Variants in SH3GL2 observed in about 807,000 individuals in gnomAD.
SH3GL2 encodes endophilin-A1.
In SH3GL2, 24 loss-of-function variants were observed where a neutral mutation model predicts 46.0. That is an observed-to-expected ratio of 0.52 (90% CI 0.38 to 0.73). The LOEUF (loss-of-function observed/expected upper bound fraction) is 0.73, where lower values mean the gene tolerates loss of function less well. Among genes scored for constraint, SH3GL2 ranks in the 30% least tolerant of loss-of-function variants. SH3GL2 has a pLI of 0.00. For missense variants in SH3GL2, 413 were observed against 424.2 expected, an observed-to-expected ratio of 0.97 and a Z score of 0.23; for synonymous variants, 196 against 147.1, an observed-to-expected ratio of 1.33 and a Z score of -2.40.
chr9:17,692,517 A>G (rs1821106659), intron 1 of SH3GL2, among the ~76,000 whole-genome samples: 2 of 151,868 alleles, frequency 1.3e-5, no homozygotes, highest in Non-Finnish European at 2.9e-5. Context: ...CTGGTGGTGC[A>G]TGCCTGTAGT....
chr9:17,621,757 A>G (rs1175345497), intron 1 of SH3GL2, among the ~76,000 whole-genome samples: 1 of 152,162 alleles, frequency 6.6e-6, no homozygotes, highest in Non-Finnish European at 1.5e-5. Flanking sequence ...AGTGGTGGAG[A>G]GTTAAAGCCA....
chr9:17,723,198 C>T (rs1184767105), intron 1 of SH3GL2, among the ~76,000 whole-genome samples: 1 of 152,046 alleles, frequency 6.6e-6, no homozygotes, highest in Non-Finnish European at 1.5e-5. Context: ...CACATTCTCA[C>T]CTTAAGTATT....
chr9:17,600,980 G>A (rs1001494021), intron 1 of SH3GL2, among the ~76,000 whole-genome samples: 1 of 152,118 alleles, frequency 6.6e-6, no homozygotes, highest in Non-Finnish European at 1.5e-5. Flanking sequence ...AATTTTTGTT[G>A]TTATCCATTA....
intron 1 of SH3GL2, among the ~76,000 whole-genome samples, chr9:17,640,753 A>G (rs751713366): frequency 2.6e-5 from 4 of 152,242 alleles, no homozygotes; most frequent in Non-Finnish European, 5.9e-5. Flanking sequence ...TTTATTGTGC[A>G]TATATTATTT....
rs903576973 is a variant in SH3GL2, at chr9:17,796,016, A to G, written c.*273A>G. 7 of 410,678 alleles carry G rather than the reference A, an allele frequency of 1.7e-5. No homozygotes were observed. The highest frequency in any genetic ancestry group is 3.9e-5 in the African/African-American group (2 of 51,052). The allele number at this position is 410,678 out of a possible 1,614,324, so 25.4% of individuals were successfully genotyped here. On this transcript the variant is annotated 3_prime_UTR_variant, in exon 9 of 9. Coordinates refer to ENST00000380607, the MANE Select transcript of SH3GL2 (RefSeq NM_003026.5). ...AACTGCTGTTTACACAGTTCTCAGG[A>G]GGCTGTGGTTTCTTAGAATATGACC...
At position 17,740,996 on chromosome 9, in the gene SH3GL2, A is replaced by G. The variant is rs562468523; in HGVS notation, c.46-6070A>G. Among the ~76,000 whole-genome samples the G allele has an allele frequency of 2.0e-5, 3 of 152,196 alleles. No individual in the cohort carries two copies. The South Asian group carries it at 6.2e-4, about 32-fold the overall frequency. On this transcript the variant is annotated intron_variant, in intron 1 of 8. Coordinates refer to ENST00000380607, the MANE Select transcript of SH3GL2 (RefSeq NM_003026.5). ...TGTCTTGACTCTAAATCCAATTTTT[A>G]AAAACCCTTGCCTAAAGTGGCTCTC...
intron 5 of SH3GL2, among the ~76,000 whole-genome samples, chr9:17,788,724 A>G (rs1824033051): frequency 6.6e-6 from 1 of 152,054 alleles, no homozygotes; most frequent in Non-Finnish European, 1.5e-5. Context: ...TCCAAGTGAG[A>G]TTTTGTTCTT....
chr9:17,749,954 C>T (rs1291560907), intron 2 of SH3GL2, among the ~76,000 whole-genome samples: 1 of 152,150 alleles, frequency 6.6e-6, no homozygotes, highest in Non-Finnish European at 1.5e-5. Context: ...GAAGAACACA[C>T]TCATGGCTCT....
chr9:17,795,737 C>G lies in SH3GL2; in HGVS notation c.1053C>G (p.Pro351=). Residue 351 remains proline (P), a synonymous_variant, in exon 9 of 9, where the codon CCC becomes CCG. Coordinates refer to ENST00000380607, the MANE Select transcript of SH3GL2 (RefSeq NM_003026.5). ...ATGTGGAAATTCTGGTTGCCCTGCC[C>G]CATTAGGATGTTATGCTGGCTGGCT... ...INYVEILVAL[P]H is the part of the protein sequence containing the mutation. 1 of 1,613,082 alleles carries G rather than the reference C, an allele frequency of 6.2e-7. No individual in the cohort carries two copies. Among genetic ancestry groups the G allele is most frequent in the Non-Finnish European group, 8.5e-7 (1 of 1,179,332 alleles).
intron 1 of SH3GL2, among the ~76,000 whole-genome samples, chr9:17,634,495 T>C (rs913539160): frequency 1.5e-4 from 23 of 152,200 alleles, no homozygotes; most frequent in Non-Finnish European, 2.8e-4. Context: ...TATATGCCTC[T>C]TTTCTTGCTA....
intron 1 of SH3GL2, among the ~76,000 whole-genome samples, chr9:17,667,065 G>C (rs935459984): frequency 6.6e-6 from 1 of 152,036 alleles, no homozygotes; most frequent in Non-Finnish European, 1.5e-5. Context: ...TGAATTGTCT[G>C]TGTCTTTTGG....
chr9:17,789,632 C>T, intron 6 of SH3GL2, 82 bp downstream of exon 6: 1 of 1,576,350 alleles, frequency 6.3e-7, no homozygotes, highest in Non-Finnish European at 8.7e-7. Flanking sequence ...CCCTTAAAAG[C>T]ATTAATATCT....
intron 1 of SH3GL2, among the ~76,000 whole-genome samples, chr9:17,743,873 A>G (rs1186737748): frequency 6.6e-6 from 1 of 152,244 alleles, no homozygotes; most frequent in Non-Finnish European, 1.5e-5. Context: ...TGATTAACAC[A>G]GGGTTACCAG....
intron 1 of SH3GL2, among the ~76,000 whole-genome samples, chr9:17,613,137 C>T (rs1269567995): frequency 6.6e-6 from 1 of 152,138 alleles, no homozygotes. Flanking sequence ...TGTACAATAA[C>T]ATTCAATAAG....
chr9:17,609,211 G>C (rs1220940164), intron 1 of SH3GL2, among the ~76,000 whole-genome samples: 1 of 152,084 alleles, frequency 6.6e-6, no homozygotes, highest in African/African-American at 2.4e-5. Context: ...GAAATGCAGA[G>C]ATGTGATAGC....
intron 2 of SH3GL2, among the ~76,000 whole-genome samples, chr9:17,756,880 A>G (rs1300499860): frequency 2.0e-5 from 3 of 152,260 alleles, no homozygotes; most frequent in Admixed American, 6.5e-5. Flanking sequence ...TTCTAGTTCT[A>G]GATCCCTGAG....
intron 1 of SH3GL2, among the ~76,000 whole-genome samples, chr9:17,693,812 G>A (rs1821140822): frequency 6.6e-6 from 1 of 152,170 alleles, no homozygotes; most frequent in South Asian, 2.1e-4. Flanking sequence ...TTTGCTTTCA[G>A]GATAGACACT....
intron 2 of SH3GL2, among the ~76,000 whole-genome samples, chr9:17,751,626 C>G (rs1025729790): frequency 6.6e-6 from 1 of 152,076 alleles, no homozygotes; most frequent in African/African-American, 2.4e-5. Context: ...GTGAGGCACA[C>G]CAGTCATCTC....
chr9:17,649,714 A>C (rs1819910031), intron 1 of SH3GL2, among the ~76,000 whole-genome samples: 1 of 152,224 alleles, frequency 6.6e-6, no homozygotes, highest in South Asian at 2.1e-4. Context: ...TTCAGGTTTG[A>C]GGAAAATAGT....
Sources: allele counts gnomAD v4.1 joint callset (sites outside exome capture counted in the v4.1 genomes callset), GRCh38; gene constraint gnomAD v4.1.1; transcripts MANE v1.5; gene names NCBI Gene and HGNC (gene_info 2026-07-23, HGNC 2026-07-21).